The following CCSER1 variants were observed in gnomAD, a reference collection of about 807,000 sequenced individuals.
CCSER1 encodes coiled-coil serine rich protein 1.
Under a neutral mutation model 82.0 loss-of-function variants are expected in CCSER1, and 41 were observed. The ratio of observed to expected loss-of-function variants is 0.50; its 90% CI spans 0.39 to 0.65. The LOEUF is 0.65. CCSER1 is among the 30% of genes least tolerant of loss of function. The pLI, the probability that CCSER1 is intolerant of heterozygous loss-of-function variation, is 0.00. For missense variants in CCSER1, 1,119 were observed against 1,064.2 expected, an observed-to-expected ratio of 1.05 and a Z score of -0.72; for synonymous variants, 414 against 383.9, an observed-to-expected ratio of 1.08 and a Z score of -0.92.
At chr4:90,471,726 G>A (rs1484791421) in intron 5 of CCSER1, among the ~76,000 whole-genome samples, 6 of 149,574 alleles carry the variant, frequency 4.0e-5, no homozygotes, top group Non-Finnish European at 4.4e-5. Flanking sequence ...CTGTAATCCC[G>A]CACTTTGGGA....
chr4:91,597,904 C>T (rs1343723901), intron 10 of CCSER1, among the ~76,000 whole-genome samples: 9 of 152,136 alleles, frequency 5.9e-5, no homozygotes, highest in Admixed American at 5.9e-4. Flanking sequence ...ATTCAATGAG[C>T]TATGCCTTGT....
At chr4:90,817,155 T>G (rs965856736) in intron 8 of CCSER1, among the ~76,000 whole-genome samples, 10 of 152,152 alleles carry the variant, frequency 6.6e-5, no homozygotes, top group Non-Finnish European at 1.5e-5. Flanking sequence ...ACATATTATC[T>G]AATAATGCTT....
intron 6 of CCSER1, among the ~76,000 whole-genome samples, chr4:90,632,436 C>T (rs963951408): frequency 6.6e-6 from 1 of 151,590 alleles, no homozygotes; most frequent in African/African-American, 2.4e-5. Flanking sequence ...TAATCTAATC[C>T]AGGTTTGGGG....
intron 4 of CCSER1, among the ~76,000 whole-genome samples, chr4:90,459,427 G>T (rs1762601835): frequency 2.0e-5 from 3 of 151,956 alleles, no homozygotes; most frequent in Non-Finnish European, 4.4e-5. Context: ...AAATTAGTTT[G>T]CTAGGGCTGG....
chr4:90,884,589 T>C (rs1255110659), intron 8 of CCSER1, among the ~76,000 whole-genome samples: 1 of 152,124 alleles, frequency 6.6e-6, no homozygotes, highest in Non-Finnish European at 1.5e-5. Flanking sequence ...TTCTGTTTTA[T>C]AAAAAAATTC....
intron 5 of CCSER1, among the ~76,000 whole-genome samples, chr4:90,504,984 C>A (rs1770475694): frequency 6.6e-6 from 1 of 152,154 alleles, no homozygotes; most frequent in Admixed American, 6.5e-5. Flanking sequence ...CCCAAAGACA[C>A]TAGGCCTAAA....
intron 9 of CCSER1, among the ~76,000 whole-genome samples, chr4:91,072,736 A>G (rs1721564372): frequency 6.6e-6 from 1 of 152,082 alleles, no homozygotes. Flanking sequence ...TAGGAAAGTT[A>G]ATTAACCTCT....
At chr4:90,892,604 A>G (rs1723118729) in intron 8 of CCSER1, among the ~76,000 whole-genome samples, 1 of 141,816 alleles carries the variant, frequency 7.1e-6, no homozygotes. Context: ...ATCTTCATTT[A>G]TTTTAATTTC....
At position 90,748,142 on chromosome 4, in the gene CCSER1, C is replaced by T. The variant is rs1425515933; in HGVS notation, c.2010+24151C>T. Among the ~76,000 whole-genome samples the T allele has an allele frequency of 6.9e-5, 10 of 144,272 alleles. No homozygotes were observed. In the East Asian group the frequency reaches 1.4e-3, roughly 20 times the overall value. The allele number at this position is 144,272 out of a possible 152,430, so 94.6% of individuals were successfully genotyped here. A position where few individuals can be genotyped will look rare whatever the true frequency, so the allele number is the denominator to read the frequency against. Reference sequence around the variant, plus strand: ...TGCTGGTGCGCTGCACCCACTAACTCGTCATCTAGCATTAGGTATATCTCC... The same window carrying T: ...TGCTGGTGCGCTGCACCCACTAACTTGTCATCTAGCATTAGGTATATCTCC... On this transcript the variant is annotated intron_variant, in intron 7 of 10. Transcript: ENST00000509176.
At chr4:91,418,684 A>T (rs368824509) in intron 10 of CCSER1, among the ~76,000 whole-genome samples, 1 of 152,056 alleles carries the variant, frequency 6.6e-6, no homozygotes, top group East Asian at 1.9e-4. Flanking sequence ...CTTTCCAAAA[A>T]ATTAAAGAAG....
chr4:90,361,045 C>T (rs926206662), intron 3 of CCSER1, among the ~76,000 whole-genome samples: 2 of 152,074 alleles, frequency 1.3e-5, no homozygotes, highest in African/African-American at 4.8e-5. Context: ...CTTTAAAGGA[C>T]CTGTAGGTGA....
At chr4:90,777,218 G>A (rs1284634306) in intron 7 of CCSER1, among the ~76,000 whole-genome samples, 5 of 151,820 alleles carry the variant, frequency 3.3e-5, no homozygotes, top group East Asian at 1.9e-4. Flanking sequence ...TCAGCCAGGC[G>A]TGGTGGTGGG....
intron 6 of CCSER1, among the ~76,000 whole-genome samples, chr4:90,655,383 G>A (rs1044732548): frequency 6.6e-6 from 1 of 152,022 alleles, no homozygotes; most frequent in African/African-American, 2.4e-5. Context: ...ACAGTCTAGT[G>A]TTTTCATGGC....
intron 5 of CCSER1, among the ~76,000 whole-genome samples, chr4:90,594,146 G>GA (rs966855736): frequency 3.8e-4 from 56 of 145,456 alleles, no homozygotes; most frequent in Admixed American, 1.0e-3. Context: ...CCCAGAAAAG[G>GA]AAAAAAAAAA....
chr4:91,347,025 A>G (rs72879096), intron 10 of CCSER1, among the ~76,000 whole-genome samples: 9,978 of 151,814 alleles, frequency 0.066, 1,066 homozygotes, highest in African/African-American at 0.23. Context: ...TGTTTGTTTT[A>G]TGCATCAGGC....
chr4:91,596,840 TAAGTA>T lies in CCSER1; in HGVS notation c.2218-1728_2218-1724del, dbSNP rs371557303. Among the ~76,000 whole-genome samples, 42 of 151,602 alleles carry T rather than the reference TAAGTA, an allele frequency of 2.8e-4. No individual in the cohort carries two copies. In the East Asian group the frequency reaches 7.6e-3, roughly 27 times the overall value. On this transcript the variant is annotated intron_variant, in intron 10 of 10. Transcript: ENST00000509176. ...AAGTAGCTTATCACAAAAATATAAA[TAAGTA>T]AAGATGACATCACAAACATCAAGAC...
At chr4:90,609,872 C>T (rs1237066001) in intron 5 of CCSER1, among the ~76,000 whole-genome samples, 2 of 152,090 alleles carry the variant, frequency 1.3e-5, no homozygotes, top group Admixed American at 6.6e-5. Flanking sequence ...TATTTTACTC[C>T]TTACTTGGGT....
chr4:90,483,599 C>A (rs1766461081), intron 5 of CCSER1, among the ~76,000 whole-genome samples: 1 of 152,176 alleles, frequency 6.6e-6, no homozygotes, highest in South Asian at 2.1e-4. Flanking sequence ...ATTTGCTTGT[C>A]TGTAAAGTAT....
chr4:91,067,666 A>G (rs1720984548), intron 9 of CCSER1, among the ~76,000 whole-genome samples: 1 of 152,066 alleles, frequency 6.6e-6, no homozygotes, highest in South Asian at 2.1e-4. Context: ...TTTAAGGTAA[A>G]TTACACCCTT....
Sources: allele counts gnomAD v4.1 joint callset (sites outside exome capture counted in the v4.1 genomes callset), GRCh38; gene constraint gnomAD v4.1.1; transcripts MANE v1.5; gene names NCBI Gene and HGNC (gene_info 2026-07-23, HGNC 2026-07-21).